SEMA5B: variants seen among roughly 807,000 people sequenced by gnomAD.
SEMA5B encodes the protein semaphorin 5B, also known as semaphorin-5B.
In SEMA5B, 66 loss-of-function variants were observed where a neutral mutation model predicts 135.0. That is an observed-to-expected ratio of 0.49 (90% confidence interval 0.40 to 0.60). SEMA5B has a LOEUF of 0.60. SEMA5B is among the 20% of genes least tolerant of loss of function. The probability of loss-of-function intolerance (pLI) is 0.00; values close to 1 mark genes in which losing one functional copy is unlikely to be tolerated. For synonymous variants in SEMA5B, 690 were observed against 639.5 expected (o/e 1.08, Z -1.19); for missense variants, 1,501 against 1,566.3 (o/e 0.96, Z 0.70).
chr3:122,942,158 G>T (rs1195847771), intron 4 of SEMA5B, among the ~76,000 whole-genome samples: 2 of 152,154 alleles, frequency 1.3e-5, no homozygotes, highest in African/African-American at 4.8e-5. Flanking sequence ...AAAGAAAAAT[G>T]CTTTCAGGCC....
At chr3:122,954,754 A>T (rs1940205235) in intron 2 of SEMA5B, among the ~76,000 whole-genome samples, 1 of 151,606 alleles carries the variant, frequency 6.6e-6, no homozygotes, top group South Asian at 2.1e-4. Flanking sequence ...TGCAGGGGAA[A>T]CTGGAACAGA....
At chr3:123,013,480 C>A (rs533899950) in intron 1 of SEMA5B, among the ~76,000 whole-genome samples, 21 of 152,314 alleles carry the variant, frequency 1.4e-4, no homozygotes, top group African/African-American at 5.1e-4. Context: ...CCATGACAAC[C>A]TTCTGAAGTA....
chr3:122,916,927 C>CA (rs1938103231), intron 12 of SEMA5B, among the ~76,000 whole-genome samples: 1 of 152,198 alleles, frequency 6.6e-6, no homozygotes, highest in East Asian at 1.9e-4. Flanking sequence ...ATGCATGCCC[C>CA]AAATGCCTCC....
chr3:122,925,079 G>A (rs1464011724), intron 9 of SEMA5B, among the ~76,000 whole-genome samples: 1 of 152,144 alleles, frequency 6.6e-6, no homozygotes, highest in African/African-American at 2.4e-5. Context: ...ACCTACTCCT[G>A]ACTCTCGTTT....
chr3:123,022,665 C>T (rs1942712734), intron 1 of SEMA5B, among the ~76,000 whole-genome samples: 1 of 152,184 alleles, frequency 6.6e-6, no homozygotes, highest in Admixed American at 6.5e-5. Flanking sequence ...GACAGAAAAC[C>T]ATCTTCATTT....
intron 5 of SEMA5B, among the ~76,000 whole-genome samples, 180 bp downstream of exon 5, chr3:122,939,245 C>A (rs532777694): frequency 6.6e-6 from 1 of 152,228 alleles, no homozygotes; most frequent in African/African-American, 2.4e-5. Context: ...CCTCCCTCCA[C>A]GTACATTGCG....
rs368230765 is a variant in SEMA5B at position 122,926,568 on chromosome 3, G to A, written c.960C>T (p.Arg320=). 11 of 1,614,134 alleles carry A rather than the reference G, an allele frequency of 6.8e-6. No homozygotes were observed. The highest frequency in any genetic ancestry group is 5.0e-5 in the Admixed American group (3 of 60,008). ...GGCCCCCCACGTCATTCTTGCACAC[G>A]CGGGCCACGCGAGAGTACACGGTGC... ...CGRTVYSRVA[R]VCKNDVGGRF... is the part of the protein sequence containing the mutation. Residue 320 remains arginine (R), a synonymous_variant, in exon 9 of 23, where the codon CGC becomes CGT. Transcript: ENST00000357599.
intron 5 of SEMA5B, among the ~76,000 whole-genome samples, chr3:122,937,950 G>A (rs1289219807): frequency 6.6e-6 from 1 of 152,144 alleles, no homozygotes; most frequent in Non-Finnish European, 1.5e-5. Context: ...CCCAGGCCCT[G>A]ACCTGCTGGG....
chr3:122,911,065 T>A lies in SEMA5B; in HGVS notation c.3092-20A>T. ...TGAACCCTAGGGGAAGAGAGGCAGG[T>A]AGTAAGATGAGGGCCACTGTGAAGA... On this transcript the variant is annotated intron_variant, in intron 21 of 22. Transcript: ENST00000357599. 1 of 1,591,170 alleles carries A rather than the reference T, an allele frequency of 6.3e-7. No individual in the cohort carries two copies. The highest frequency in any genetic ancestry group is 1.1e-5 in the South Asian group (1 of 89,770).
chr3:122,948,232 C>T (rs530594986), intron 3 of SEMA5B, among the ~76,000 whole-genome samples: 1 of 152,198 alleles, frequency 6.6e-6, no homozygotes, highest in African/African-American at 2.4e-5. Context: ...ACTTCCTTTT[C>T]TAGCAAAAGA....
At chr3:122,911,785 C>T (rs1937726702) in intron 20 of SEMA5B, 135 bp downstream of exon 20, 3 of 1,216,746 alleles carry the variant, frequency 2.5e-6, no homozygotes, top group African/African-American at 3.1e-5. Flanking sequence ...TTTCTTTCGG[C>T]ATCTCCTTCC....
chr3:122,930,870 C>A (rs1363572873), intron 5 of SEMA5B, among the ~76,000 whole-genome samples: 2 of 152,060 alleles, frequency 1.3e-5, no homozygotes, highest in Admixed American at 6.6e-5. Context: ...AACGAGAAAC[C>A]CAAGATGACT....
At position 122,963,039 on chromosome 3, in the gene SEMA5B, G is replaced by A. The variant is rs1940655022; in HGVS notation, c.-38-1738C>T. ...AGACTTTTCAGGGTGGCAAAGAGTC[G>A]TATGTGTGTCTGTGTTGGTCACAGA... On this transcript the variant is annotated intron_variant, in intron 1 of 22. Transcript: ENST00000357599. Among the ~76,000 whole-genome samples, 4 of 152,266 alleles carry A rather than the reference G, an allele frequency of 2.6e-5. 1 individual carries two copies. Among genetic ancestry groups the A allele is most frequent in the South Asian group, 2.1e-4 (1 of 4,814 alleles).
At chr3:122,978,056 G>A (rs1941389557) in intron 1 of SEMA5B, among the ~76,000 whole-genome samples, 1 of 152,012 alleles carries the variant, frequency 6.6e-6, no homozygotes, top group Non-Finnish European at 1.5e-5. Context: ...GGCAGATGCG[G>A]AACCAGCCAG....
At position 122,911,654 on chromosome 3, in the gene SEMA5B, G is replaced by A. The variant is rs1452993343; in HGVS notation, c.3047-119C>T. On this transcript the variant is annotated intron_variant, in intron 20 of 22. Coordinates refer to ENST00000357599, the MANE Select transcript of SEMA5B (RefSeq NM_001031702.4). ...AACGCTCAGACGTAGGACTAGGTAG[G>A]CGTGGGGGCCTTCATTCCCCTCCCT... is the stretch of plus-strand genomic sequence containing the variant. 2.7e-6 allele frequency: 3 copies of A among 1,093,688 alleles called. No homozygotes were observed. In the African/African-American group the frequency reaches 4.7e-5, roughly 17 times the overall value. The allele number at this position is 1,093,688 out of a possible 1,614,324, so 67.7% of individuals were successfully genotyped here. A position where few individuals can be genotyped will look rare whatever the true frequency, so the allele number is the denominator to read the frequency against.
chr3:122,966,647 T>C (rs752739537), intron 1 of SEMA5B, among the ~76,000 whole-genome samples: 31 of 150,396 alleles, frequency 2.1e-4, no homozygotes, highest in East Asian at 5.8e-4. Flanking sequence ...CTCCGCCTCC[T>C]GGGTTCACGC....
chr3:122,984,905 T>C (rs901282035), intron 1 of SEMA5B, among the ~76,000 whole-genome samples: 5 of 152,152 alleles, frequency 3.3e-5, no homozygotes, highest in Non-Finnish European at 5.9e-5. Context: ...AATTTCCCCC[T>C]GTTTCTCCCA....
At position 122,983,716 on chromosome 3, in the gene SEMA5B, C is replaced by CAAAAAAAA. The variant is rs57975297; in HGVS notation, c.-38-22423_-38-22416dup. On this transcript the variant is annotated intron_variant, in intron 1 of 22. Transcript: ENST00000357599. ...CTGGGCGACAGAGCGAGACTCGTCT[C>CAAAAAAAA]AAAAAAAAAAAAAAAAAAAAAAAAA... 9.4e-5 allele frequency among the ~76,000 whole-genome samples: 5 copies of CAAAAAAAA among 53,432 alleles called. 1 individual carries two copies. The highest frequency in any genetic ancestry group is 3.1e-4 in the African/African-American group (5 of 16,110). The allele number at this position is 53,432 out of a possible 152,430, so 35.1% of individuals were successfully genotyped here. A position where few individuals can be genotyped will look rare whatever the true frequency, so the allele number is the denominator to read the frequency against.
chr3:123,005,913 A>G (rs1160100299), intron 1 of SEMA5B, among the ~76,000 whole-genome samples: 1 of 152,182 alleles, frequency 6.6e-6, no homozygotes, highest in African/African-American at 2.4e-5. Flanking sequence ...GGGCTTGGCC[A>G]TTACCCAGAA....
Sources: allele counts gnomAD v4.1 joint callset (sites outside exome capture counted in the v4.1 genomes callset), GRCh38; gene constraint gnomAD v4.1.1; transcripts MANE v1.5; gene names NCBI Gene and HGNC (gene_info 2026-07-23, HGNC 2026-07-21).